ATP6V1G1: variants seen among roughly 807,000 people sequenced by gnomAD.
The protein encoded by ATP6V1G1 is ATPase H+ transporting V1 subunit G1, also known as V-type proton ATPase subunit G 1.
In ATP6V1G1, 14 loss-of-function variants were observed where a neutral mutation model predicts 14.2. The ratio of observed to expected loss-of-function variants is 0.99; its 90% CI spans 0.65 to 1.55. The LOEUF (loss-of-function observed/expected upper bound fraction) is 1.55, where lower values mean the gene tolerates loss of function less well. ATP6V1G1 is among the 40% of genes most tolerant of loss of function. The pLI is 0.00. For missense variants in ATP6V1G1, 137 were observed against 146.4 expected (o/e 0.94, Z 0.33); for synonymous variants, 65 against 53.3 (o/e 1.22, Z -0.96).
chr9:114,592,619 G>C lies in ATP6V1G1; in HGVS notation c.150G>C (p.Gln50His). The stretch of plus-strand genomic sequence containing the variant: ...CTGAAATTGAACAGTACCGCCTGCA[G>C]AGGGAGAAAGAATTCAAGGCCAAGG... The part of the protein sequence containing the change: ...AQAEIEQYRL[Q>H]REKEFKAKEA... Residue 50 changes from glutamine to histidine, a missense_variant, in exon 2 of 3, where the codon CAG becomes CAC. Transcript: ENST00000374050. 1 of 1,578,330 alleles carries C rather than the reference G, an allele frequency of 6.3e-7. No individual in the cohort carries two copies. The highest frequency in any genetic ancestry group is 1.2e-5 in the South Asian group (1 of 85,988).
Position 114,587,817 on chromosome 9 carries a change from T to C in ATP6V1G1, c.-22T>C, listed in dbSNP as rs1452954496. On this transcript the variant is annotated 5_prime_UTR_variant, in exon 1 of 3. Coordinates refer to ENST00000374050, the MANE Select transcript of ATP6V1G1 (RefSeq NM_004888.4). ...TCGAGGTGCCTTAGGCCGCTTGCCT[T>C]GCTCTCAGAATCGCTGCCGCCATGG... 2 of 1,573,218 alleles carry C rather than the reference T, an allele frequency of 1.3e-6. No individual in the cohort carries two copies. Among genetic ancestry groups the C allele is most frequent in the African/African-American group, 2.7e-5 (2 of 74,186 alleles).
At position 114,597,983 on chromosome 9, in the gene ATP6V1G1, CTT is replaced by C; in HGVS notation, c.*246_*247del. 1 of 275,486 alleles carries C rather than the reference CTT, an allele frequency of 3.6e-6. No individual in the cohort carries two copies. Among genetic ancestry groups the C allele is most frequent in the African/African-American group, 2.2e-5 (1 of 45,244 alleles). 17.1% of individuals were successfully genotyped at this position (275,486 alleles called of 1,614,324 possible). A position where few individuals can be genotyped will look rare whatever the true frequency, so the allele number is the denominator to read the frequency against. ...TAGGAATTTAATGGTTATATGTTGT[CTT>C]TTTTTCCTATGTCTTTTGGCTCAAG... is the stretch of plus-strand genomic sequence containing the variant. On this transcript the variant is annotated 3_prime_UTR_variant, in exon 3 of 3. Transcript: ENST00000374050.
intron 1 of ATP6V1G1, among the ~76,000 whole-genome samples, chr9:114,590,719 A>G (rs1845174778): frequency 6.6e-6 from 1 of 151,226 alleles, no homozygotes. Flanking sequence ...AAATGATCCC[A>G]TCCAGTTTTT....
rs1393915080 is a variant in ATP6V1G1 at position 114,597,706 on chromosome 9, G to A, written c.320G>A (p.Arg107Gln). The A allele has an allele frequency of 5.7e-6, 9 of 1,584,484 alleles. No homozygotes were observed. The highest frequency in any genetic ancestry group is 3.8e-5 in the Admixed American group (2 of 52,816). Residue 107 changes from arginine (R) to glutamine (Q), a missense_variant, in exon 3 of 3, where the codon CGG becomes CAG. Transcript: ENST00000374050. ...DNLLAFVCDI[R>Q]PEIHENYRIN... ...CTCTTGGCTTTTGTCTGTGACATTCGGCCAGAAATCCATGAAAACTACCGC... is the reference window on the plus strand; with the variant it reads ...CTCTTGGCTTTTGTCTGTGACATTCAGCCAGAAATCCATGAAAACTACCGC...
Position 114,592,871 on chromosome 9 carries a change from C to T in ATP6V1G1, c.183+219C>T, listed in dbSNP as rs1385026360. ...ATTTATTCACTCATTTAACACGTATCTGTTAAGCAGTTAACATGCGCCAGG... is the reference window on the plus strand; with the variant it reads ...ATTTATTCACTCATTTAACACGTATTTGTTAAGCAGTTAACATGCGCCAGG... On this transcript the variant is annotated intron_variant, in intron 2 of 2. Transcript: ENST00000374050. 2.6e-5 allele frequency among the ~76,000 whole-genome samples: 4 copies of T among 152,212 alleles called. No individual in the cohort carries two copies. The East Asian group carries it at 7.7e-4, about 29-fold the overall frequency.
At chr9:114,589,550 T>C (rs1845162863) in intron 1 of ATP6V1G1, among the ~76,000 whole-genome samples, 1 of 152,166 alleles carries the variant, frequency 6.6e-6, no homozygotes, top group African/African-American at 2.4e-5. Flanking sequence ...AGGGGTTGTG[T>C]GGTACTTGGA....
At chr9:114,597,533 C>A in intron 2 of ATP6V1G1, 37 bp from the exon 3 acceptor site, 1 of 1,437,884 alleles carries the variant, frequency 7.0e-7, no homozygotes, top group Non-Finnish European at 9.2e-7. Context: ...GAGCATTGTT[C>A]TGATAATCCC....
At chr9:114,588,905 C>T (rs1452891019) in intron 1 of ATP6V1G1, among the ~76,000 whole-genome samples, 1 of 152,192 alleles carries the variant, frequency 6.6e-6, no homozygotes, top group African/African-American at 2.4e-5. Context: ...CAGAAGAAAG[C>T]TCAAATTCCT....
At chr9:114,593,277 A>G (rs1224675197) in intron 2 of ATP6V1G1, among the ~76,000 whole-genome samples, 4 of 152,196 alleles carry the variant, frequency 2.6e-5, no homozygotes, top group Non-Finnish European at 5.9e-5. Flanking sequence ...ATTAAAACTG[A>G]TTCTAAATGG....
At chr9:114,594,298 A>G (rs1431322595) in intron 2 of ATP6V1G1, among the ~76,000 whole-genome samples, 1 of 151,304 alleles carries the variant, frequency 6.6e-6, no homozygotes, top group Non-Finnish European at 1.5e-5. Flanking sequence ...TGAACTCCCG[A>G]CCGCAGGTGA....
intron 1 of ATP6V1G1, among the ~76,000 whole-genome samples, chr9:114,590,562 T>C (rs1354981539): frequency 6.6e-6 from 1 of 152,054 alleles, no homozygotes; most frequent in Non-Finnish European, 1.5e-5. Flanking sequence ...ATTACAGATA[T>C]GAGCGACTGC....
Position 114,597,600 on chromosome 9 carries a change from G to C in ATP6V1G1, c.214G>C (p.Glu72Gln), listed in dbSNP as rs1315444771. The change falls in exon 3 of 3, where the codon GAA becomes CAA. Residue 72 changes from glutamate to glutamine, a missense_variant. Physicochemically the swap from Glu to Gln is conservative, Grantham distance 29 (BLOSUM62 2). Transcript: ENST00000374050. ...ALGSRGSCST[E>Q]VEKETQEKMT... ...GGGATCCCGTGGCAGTTGCAGCACT[G>C]AAGTGGAGAAGGAGACCCAGGAGAA... 1 of 1,544,372 alleles carries C rather than the reference G, an allele frequency of 6.5e-7. No homozygotes were observed. The highest frequency in any genetic ancestry group is 8.7e-7 in the Non-Finnish European group (1 of 1,147,582).
At chr9:114,595,499 C>G (rs1200230319) in intron 2 of ATP6V1G1, among the ~76,000 whole-genome samples, 2 of 152,044 alleles carry the variant, frequency 1.3e-5, no homozygotes, top group Non-Finnish European at 2.9e-5. Flanking sequence ...AAAAAAAATA[C>G]AGAAATTAGC....
chr9:114,598,055 TA>T lies in ATP6V1G1; in HGVS notation c.*326del, dbSNP rs34186321. 0.37 allele frequency: 56,241 copies of T among 150,452 alleles called. 10,140 individuals are homozygous for T. The highest frequency in any genetic ancestry group is 0.42 in the Admixed American group (6,168 of 14,802). 9.3% of individuals were successfully genotyped at this position (150,452 alleles called of 1,614,324 possible). ...GACTTTTTCTTTCTTAGATCTAGTTTAAAAAAAAAAAAAACCACATAACAAT... is the reference window on the plus strand; with the variant it reads ...GACTTTTTCTTTCTTAGATCTAGTTTAAAAAAAAAAAAACCACATAACAAT... On this transcript the variant is annotated 3_prime_UTR_variant, in exon 3 of 3. Coordinates refer to ENST00000374050, the MANE Select transcript of ATP6V1G1 (RefSeq NM_004888.4).
chr9:114,597,531 T>C (rs1336222778), intron 2 of ATP6V1G1, 39 bp from the exon 3 acceptor site: 1 of 1,436,860 alleles, frequency 7.0e-7, no homozygotes, highest in Admixed American at 2.7e-5. Flanking sequence ...CAGAGCATTG[T>C]TCTGATAATC....
intron 1 of ATP6V1G1, among the ~76,000 whole-genome samples, chr9:114,589,096 C>G (rs1309947664): frequency 2.0e-5 from 3 of 152,180 alleles, no homozygotes; most frequent in African/African-American, 4.8e-5. Context: ...GACCCTTAGT[C>G]TTCCATCAGA....
intron 2 of ATP6V1G1, among the ~76,000 whole-genome samples, chr9:114,596,983 A>G (rs577221916): frequency 7.8e-6 from 1 of 128,624 alleles, no homozygotes; most frequent in South Asian, 2.9e-4. Context: ...TATATAGCAG[A>G]TTCTTTTTTT....
Position 114,590,213 on chromosome 9 carries a change from A to G in ATP6V1G1, c.82+2293A>G, listed in dbSNP as rs556512087. 6.8e-4 allele frequency among the ~76,000 whole-genome samples: 103 copies of G among 150,790 alleles called. 1 individual carries two copies. Among genetic ancestry groups the G allele is most frequent in the African/African-American group, 2.3e-3 (93 of 41,168 alleles). On this transcript the variant is annotated intron_variant, in intron 1 of 2. Coordinates refer to ENST00000374050, the MANE Select transcript of ATP6V1G1 (RefSeq NM_004888.4). Reference sequence around the variant, plus strand: ...GACGCCGTCTCAAAAAAAAAAAAAAACAAAAAACAAACCAAAGTATTAGTT... The same window carrying G: ...GACGCCGTCTCAAAAAAAAAAAAAAGCAAAAAACAAACCAAAGTATTAGTT...
intron 2 of ATP6V1G1, among the ~76,000 whole-genome samples, chr9:114,596,008 A>G (rs1436874127): frequency 6.6e-6 from 1 of 152,184 alleles, no homozygotes; most frequent in Non-Finnish European, 1.5e-5. Flanking sequence ...AAGAAGGCAC[A>G]GCAGTTAACA....
Sources: gnomAD v4.1 joint callset for allele counts (sites outside exome capture counted in the v4.1 genomes callset) on GRCh38, gnomAD v4.1.1 for gene constraint, MANE v1.5 for transcripts, NCBI Gene and HGNC (gene_info 2026-07-23, HGNC 2026-07-21) for gene names.